Variants in NAV2 observed in about 807,000 individuals in gnomAD.
NAV2 encodes helicase, APC down-regulated 1.
NAV2 carries 54 observed loss-of-function variants against 223.2 expected under a neutral mutation model. The ratio of observed to expected loss-of-function variants is 0.24; its 90% CI spans 0.19 to 0.30. The LOEUF is 0.30. Among genes scored for constraint, NAV2 ranks in the 10% least tolerant of loss-of-function variants. The pLI is 1.00. For synonymous variants in NAV2, 1,279 were observed against 1,239.3 expected, an observed-to-expected ratio of 1.03 and a Z score of -0.67; for missense variants, 2,806 against 3,147.5, an observed-to-expected ratio of 0.89 and a Z score of 2.60.
Position 20,049,144 on chromosome 11 carries a change from C to A in NAV2, c.4319C>A (p.Ser1440Tyr). Residue 1440 changes from serine to tyrosine, a missense_variant, in exon 15 of 38, where the codon TCC (serine) becomes TAC (tyrosine). Coordinates refer to ENST00000349880, the MANE Select transcript of NAV2 (RefSeq NM_145117.5). ...TGLIASSKDD[S>Y]LTPFVRTNSV... ...CTCATCGCCTCCTCCAAGGACGACTCCTTGACTCCCTTTGTCAGAACTAAC... is the reference window on the plus strand; with the variant it reads ...CTCATCGCCTCCTCCAAGGACGACTACTTGACTCCCTTTGTCAGAACTAAC... 1 of 1,612,674 alleles carries A rather than the reference C, an allele frequency of 6.2e-7. No homozygotes were observed. Among genetic ancestry groups the A allele is most frequent in the South Asian group, 1.1e-5 (1 of 90,740 alleles).
At chr11:19,551,063 G>A (rs552502056) in intron 1 of NAV2, among the ~76,000 whole-genome samples, 1 of 152,382 alleles carries the variant, frequency 6.6e-6, no homozygotes, top group East Asian at 1.9e-4. Context: ...GCTGACTGCT[G>A]GAGCTGTGGC....
At chr11:19,855,102 T>A (rs1179157729) in intron 3 of NAV2, among the ~76,000 whole-genome samples, 2 of 152,034 alleles carry the variant, frequency 1.3e-5, no homozygotes, top group Non-Finnish European at 2.9e-5. Flanking sequence ...CATTTCCCCA[T>A]CTGAAAAATG....
intron 1 of NAV2, among the ~76,000 whole-genome samples, chr11:19,467,414 T>A (rs1341033644): frequency 6.6e-6 from 1 of 152,180 alleles, no homozygotes; most frequent in Admixed American, 6.5e-5. Context: ...ATAGAGAAGA[T>A]TTTTAGAAGT....
Position 19,615,034 on chromosome 11 carries a change from C to T in NAV2, c.76-217450C>T, listed in dbSNP as rs568439849. On this transcript the variant is annotated intron_variant, in intron 1 of 37. Coordinates refer to the NAV2 transcript ENST00000360655. ...AAGAGAGGGGTCATGATGGAGTCAA[C>T]AGATGGCTGCCTGCCCCAAACTGAA... Among the ~76,000 whole-genome samples, 45 of 152,228 alleles carry T rather than the reference C, an allele frequency of 3.0e-4. 1 individual carries two copies. The highest frequency in any genetic ancestry group is 1.1e-3 in the African/African-American group (45 of 41,554).
intron 1 of NAV2, among the ~76,000 whole-genome samples, chr11:19,495,652 C>G (rs1053016312): frequency 6.6e-6 from 1 of 152,136 alleles, no homozygotes; most frequent in African/African-American, 2.4e-5. Flanking sequence ...ACAGGTATAT[C>G]TGCTCTTATA....
intron 26 of NAV2, among the ~76,000 whole-genome samples, chr11:20,086,159 T>A (rs1253965467): frequency 3.3e-5 from 5 of 152,202 alleles, no homozygotes; most frequent in Non-Finnish European, 7.3e-5. Flanking sequence ...TCCAATTTCA[T>A]GTATAATGGG....
intron 1 of NAV2, among the ~76,000 whole-genome samples, chr11:19,400,687 T>G (rs1044056828): frequency 2.0e-5 from 3 of 152,210 alleles, no homozygotes; most frequent in Non-Finnish European, 4.4e-5. Flanking sequence ...TTCAAGACAC[T>G]ACTGTCATCT....
intron 1 of NAV2, among the ~76,000 whole-genome samples, chr11:19,631,490 GT>G (rs766303962): frequency 9.9e-4 from 150 of 152,278 alleles, no homozygotes; most frequent in African/African-American, 3.6e-3. Context: ...CACAACAAGT[GT>G]TTTTTTATGG....
chr11:19,860,014 C>G lies in NAV2; in HGVS notation c.439-8911C>G, dbSNP rs1283401193. Among the ~76,000 whole-genome samples the G allele has an allele frequency of 1.7e-3, 209 of 125,144 alleles. 4 individuals are homozygous for G. Among genetic ancestry groups the G allele is most frequent in the African/African-American group, 6.3e-3 (199 of 31,716 alleles). 82.1% of individuals were successfully genotyped at this position (125,144 alleles called of 152,430 possible). A position where few individuals can be genotyped will look rare whatever the true frequency, so the allele number is the denominator to read the frequency against. The stretch of plus-strand genomic sequence containing the variant: ...CGGGGGGCTGACCCCCCCTCCCTCC[C>G]GGATGGGGCGGCTGGCCAGGCGGGG... On this transcript the variant is annotated intron_variant, in intron 3 of 37. Transcript: ENST00000349880.
intron 1 of NAV2, among the ~76,000 whole-genome samples, chr11:19,357,247 T>C (rs1485962763): frequency 6.6e-6 from 1 of 152,116 alleles, no homozygotes; most frequent in Admixed American, 6.6e-5. Context: ...CCTATTGGTC[T>C]GTACTGTGTC....
chr11:19,550,635 T>C (rs1458135485), intron 1 of NAV2, among the ~76,000 whole-genome samples: 4 of 152,212 alleles, frequency 2.6e-5, no homozygotes, highest in African/African-American at 9.7e-5. Context: ...AGATGCTCAA[T>C]GAATGTTTGC....
intron 25 of NAV2, 23 bp downstream of exon 25, chr11:20,080,232 G>T: frequency 6.2e-7 from 1 of 1,607,010 alleles, no homozygotes; most frequent in South Asian, 1.1e-5. Flanking sequence ...CCACTCTCCT[G>T]GGGACTGACG....
intron 1 of NAV2, among the ~76,000 whole-genome samples, chr11:19,793,185 C>T (rs543505983): frequency 9.1e-4 from 115 of 125,722 alleles, no homozygotes; most frequent in Non-Finnish European, 1.4e-3. Context: ...TCCAGCCTGG[C>T]GATAGAGTGA....
chr11:19,544,500 G>A (rs1372769828), intron 1 of NAV2, among the ~76,000 whole-genome samples: 1 of 152,162 alleles, frequency 6.6e-6, no homozygotes, highest in Non-Finnish European at 1.5e-5. Flanking sequence ...CTGCCTCCCT[G>A]GAGTCCATAT....
chr11:20,018,296 G>C (rs377205477), intron 11 of NAV2, among the ~76,000 whole-genome samples: 32 of 143,794 alleles, frequency 2.2e-4, no homozygotes, highest in African/African-American at 7.9e-4. Context: ...GGAGGTTGCA[G>C]TGAGCTGAGA....
intron 1 of NAV2, among the ~76,000 whole-genome samples, chr11:19,625,066 G>T (rs140360718): frequency 6.6e-6 from 1 of 152,020 alleles, no homozygotes; most frequent in African/African-American, 2.4e-5. Flanking sequence ...CCTTGTGTTG[G>T]GAATGTTTAA....
At chr11:20,083,528 C>T (rs192374743) in intron 26 of NAV2, among the ~76,000 whole-genome samples, 2 of 152,296 alleles carry the variant, frequency 1.3e-5, no homozygotes, top group African/African-American at 4.8e-5. Flanking sequence ...TATACAGGAG[C>T]TTGCTTCCTG....
At chr11:19,371,058 C>T (rs1304635481) in intron 1 of NAV2, among the ~76,000 whole-genome samples, 1 of 152,170 alleles carries the variant, frequency 6.6e-6, no homozygotes, top group African/African-American at 2.4e-5. Context: ...GACTTAATGT[C>T]ACACAGCAGC....
At chr11:20,085,634 T>C (rs1425488234) in intron 26 of NAV2, among the ~76,000 whole-genome samples, 1 of 152,206 alleles carries the variant, frequency 6.6e-6, no homozygotes, top group African/African-American at 2.4e-5. Context: ...GCTTTACATA[T>C]GACTGTTTAT....
Sources: gnomAD v4.1 joint callset for allele counts (sites outside exome capture counted in the v4.1 genomes callset) on GRCh38, gnomAD v4.1.1 for gene constraint, MANE v1.5 for transcripts, NCBI Gene and HGNC (gene_info 2026-07-23, HGNC 2026-07-21) for gene names.